Variants in SH3KBP1 observed in about 807,000 individuals in gnomAD.
SH3KBP1 encodes the protein SH3 domain containing kinase binding protein 1, also known as SH3 domain-containing kinase-binding protein 1.
SH3KBP1 carries 8 observed loss-of-function variants against 50.1 expected under a neutral mutation model. The observed-to-expected ratio is 0.16, with a 90% CI of 0.09 to 0.29. SH3KBP1 has a LOEUF of 0.29. Among genes scored for constraint, SH3KBP1 ranks in the 10% least tolerant of loss-of-function variants. The pLI is 1.00. For missense variants in SH3KBP1, 377 were observed against 535.2 expected (o/e 0.70, Z 2.92); for synonymous variants, 227 against 218.6 (o/e 1.04, Z -0.34).
chrX:19,715,248 T>TGG (rs1196665742), intron 3 of SH3KBP1, among the ~76,000 whole-genome samples: 1 of 93,522 alleles, frequency 1.1e-5, no homozygotes, highest in Non-Finnish European at 2.1e-5. Context: ...CACTCCAGCC[T>TGG]GGGCGACAGA....
rs1281790399 is a variant in SH3KBP1 at position 19,544,316 on chromosome X, C to T, written c.1623+1606G>A. Among the ~76,000 whole-genome samples, 7 of 110,820 alleles carry T rather than the reference C, an allele frequency of 6.3e-5. No individual in the cohort carries two copies. In the South Asian group the frequency reaches 1.9e-3, roughly 30 times the overall value. On this transcript the variant is annotated intron_variant, in intron 15 of 17. Transcript: ENST00000397821. ...CATTTCTGGAGCAATGATCACATGC[C>T]GGACACCGGCTAGACAATTTGAGCA...
chrX:19,537,149 C>T (rs927815328), intron 17 of SH3KBP1, among the ~76,000 whole-genome samples: 6 of 111,154 alleles, frequency 5.4e-5, no homozygotes, highest in South Asian at 3.8e-4. Flanking sequence ...AGGGGCTTTT[C>T]GCAGAGATGT....
chrX:19,742,407 T>C (rs1355130531), intron 3 of SH3KBP1, among the ~76,000 whole-genome samples: 1 of 111,772 alleles, frequency 8.9e-6, no homozygotes, highest in Non-Finnish European at 1.9e-5. Context: ...AGCTTGATTT[T>C]TTTATTTCAT....
chrX:19,789,217 T>G (rs2066459095), intron 2 of SH3KBP1, among the ~76,000 whole-genome samples: 1 of 110,936 alleles, frequency 9.0e-6, no homozygotes, highest in African/African-American at 3.3e-5. Flanking sequence ...GGGGTGGTGA[T>G]TTCTATTATC....
At chrX:19,732,776 CT>C (rs1257446601) in intron 3 of SH3KBP1, among the ~76,000 whole-genome samples, 4 of 111,737 alleles carry the variant, frequency 3.6e-5, no homozygotes. Flanking sequence ...AAAAGAGGAA[CT>C]TTTTTTAATT....
chrX:19,755,451 C>A (rs748597375), intron 2 of SH3KBP1, among the ~76,000 whole-genome samples: 1 of 111,640 alleles, frequency 9.0e-6, no homozygotes, highest in East Asian at 2.8e-4. Flanking sequence ...AATTCATCAA[C>A]GAAGACAAAA....
At chrX:19,791,539 A>G (rs1394147162) in intron 2 of SH3KBP1, among the ~76,000 whole-genome samples, 5 of 110,096 alleles carry the variant, frequency 4.5e-5, no homozygotes, top group Non-Finnish European at 9.5e-5. Context: ...AGAGAATGAA[A>G]AAAAAAAAAA....
intron 6 of SH3KBP1, among the ~76,000 whole-genome samples, chrX:19,662,582 T>C (rs1025271650): frequency 1.8e-5 from 2 of 111,666 alleles, no homozygotes; most frequent in African/African-American, 6.5e-5. Context: ...GAAACACAAA[T>C]CAAAGTAATT....
Position 19,628,088 on chromosome X carries a change from C to T in SH3KBP1, c.897+3776G>A, listed in dbSNP as rs778421508. On this transcript the variant is annotated intron_variant, in intron 8 of 17. Transcript: ENST00000397821. ...AATGTCAGCAGGGTTTTACAGGCTC[C>T]GACTCCATTCTTCCCACTTTCAGCA... 6.2e-5 allele frequency among the ~76,000 whole-genome samples: 7 copies of T among 112,316 alleles called. No homozygotes were observed. In the South Asian group the frequency reaches 2.6e-3, roughly 41 times the overall value.
chrX:19,555,812 CCTGA>C (rs372329944), intron 13 of SH3KBP1, among the ~76,000 whole-genome samples: 6 of 111,825 alleles, frequency 5.4e-5, no homozygotes, highest in African/African-American at 1.6e-4. Flanking sequence ...GGCTTCCTCT[CCTGA>C]CTAATTCCTT....
intron 2 of SH3KBP1, among the ~76,000 whole-genome samples, chrX:19,769,925 T>C (rs192800188): frequency 2.7e-5 from 3 of 111,613 alleles, no homozygotes; most frequent in African/African-American, 6.5e-5. Context: ...TTCTTGAAAA[T>C]ATCGCTTAAA....
Position 19,537,778 on chromosome X carries a change from C to A in SH3KBP1, c.1895G>T (p.Arg632Leu). The A allele has an allele frequency of 8.3e-7, 1 of 1,208,080 alleles. No individual in the cohort carries two copies. Among genetic ancestry groups the A allele is most frequent in the Non-Finnish European group, 1.1e-6 (1 of 892,678 alleles). The change falls in exon 17 of 18, where the codon CGA (arginine) becomes CTA (leucine). Residue 632 changes from arginine (R) to leucine (L), a missense_variant and splice_region_variant. Arg to Leu is a moderately radical substitution (Grantham distance 102, BLOSUM62 -2). Around this residue, in one of 3 missense-constraint regions of SH3KBP1, gnomAD observed 110 missense variants for 124.1 expected, o/e 0.89. Coordinates refer to ENST00000397821, the MANE Select transcript of SH3KBP1 (RefSeq NM_031892.3). ...CTCAGACAATAACTGTTTAATCTCTCGTCTGAAAAGCAAATGGCAATGAAA... is the reference window on the plus strand; with the variant it reads ...CTCAGACAATAACTGTTTAATCTCTAGTCTGAAAAGCAAATGGCAATGAAA... Reference protein sequence around the residue: ...IIETMKDQQKREIKQLLSELD... With the variant: ...IIETMKDQQKLEIKQLLSELD...
At chrX:19,550,828 G>C (rs2065217510) in intron 13 of SH3KBP1, among the ~76,000 whole-genome samples, 1 of 110,197 alleles carries the variant, frequency 9.1e-6, no homozygotes, top group Non-Finnish European at 1.9e-5. Context: ...AACCCCGATG[G>C]GCTGCAACCC....
intron 6 of SH3KBP1, chrX:19,670,210 C>T: frequency 5.6e-6 from 1 of 178,828 alleles, no homozygotes; most frequent in Non-Finnish European, 8.8e-6. Context: ...TTTCTCCATA[C>T]ATGAGTACAT....
intron 7 of SH3KBP1, among the ~76,000 whole-genome samples, chrX:19,632,681 T>C (rs1216134707): frequency 1.8e-5 from 2 of 112,527 alleles, no homozygotes; most frequent in Admixed American, 9.4e-5. Context: ...TAAAAATCGA[T>C]TTAAGTATGT....
chrX:19,828,761 G>A (rs994847295), intron 2 of SH3KBP1, among the ~76,000 whole-genome samples: 8 of 111,538 alleles, frequency 7.2e-5, no homozygotes, highest in African/African-American at 2.6e-4. Flanking sequence ...TCCAGCCTGG[G>A]TGGCAGAGCA....
At chrX:19,767,726 T>C (rs1429069933) in intron 2 of SH3KBP1, among the ~76,000 whole-genome samples, 2 of 111,125 alleles carry the variant, frequency 1.8e-5, no homozygotes, top group African/African-American at 6.5e-5. Flanking sequence ...AAATGGCAGG[T>C]GAACAGAATA....
chrX:19,876,153 G>A (rs753652553), intron 1 of SH3KBP1, among the ~76,000 whole-genome samples: 1 of 111,897 alleles, frequency 8.9e-6, no homozygotes, highest in East Asian at 2.8e-4. Context: ...GAGGTCGGGA[G>A]TTCCAGACCA....
At chrX:19,835,733 C>T in intron 2 of SH3KBP1, among the ~76,000 whole-genome samples, 1 of 109,581 alleles carries the variant, frequency 9.1e-6, no homozygotes, top group Non-Finnish European at 1.9e-5. Context: ...CACATGCCAC[C>T]ACACCTGGCT....
Sources: allele counts gnomAD v4.1 joint callset (sites outside exome capture counted in the v4.1 genomes callset), GRCh38; gene constraint gnomAD v4.1.1; regional missense constraint gnomAD v4.1.1; transcripts MANE v1.5; gene names NCBI Gene and HGNC (gene_info 2026-07-23, HGNC 2026-07-21).